The following OLFM1 variants were observed in gnomAD, a reference collection of about 807,000 sequenced individuals.
OLFM1 encodes olfactomedin 1.
Under a neutral mutation model 49.7 loss-of-function variants are expected in OLFM1, and 9 were observed. The ratio of observed to expected loss-of-function variants is 0.18; its 90% CI spans 0.11 to 0.32. The LOEUF (loss-of-function observed/expected upper bound fraction) is 0.32. OLFM1 is among the 10% of genes least tolerant of loss of function. The pLI is 1.00. For synonymous variants in OLFM1, 240 were observed against 271.8 expected, an observed-to-expected ratio of 0.88 and a Z score of 1.15; for missense variants, 369 against 661.8, an observed-to-expected ratio of 0.56 and a Z score of 4.85.
chr9:135,092,282 C>A (rs200068699), intron 2 of OLFM1, among the ~76,000 whole-genome samples: 1 of 152,130 alleles, frequency 6.6e-6, no homozygotes, highest in African/African-American at 2.4e-5. Flanking sequence ...TTGAAAGGTC[C>A]GAGTCACTGC....
At chr9:135,096,738 G>A (rs1030607206) in intron 3 of OLFM1, among the ~76,000 whole-genome samples, 1 of 152,206 alleles carries the variant, frequency 6.6e-6, no homozygotes, top group Non-Finnish European at 1.5e-5. Context: ...GGGCCATTCT[G>A]GAGCAGGAAT....
intron 3 of OLFM1, chr9:135,097,796 GT>G: frequency 6.2e-7 from 1 of 1,613,688 alleles, no homozygotes; most frequent in Non-Finnish European, 8.5e-7. Context: ...ACTTAAAAGA[GT>G]TTTTTCAATG....
At chr9:135,090,076 T>C in intron 1 of OLFM1, 119 bp from the exon 2 acceptor site, 1 of 940,144 alleles carries the variant, frequency 1.1e-6, no homozygotes, top group Non-Finnish European at 1.6e-6. Flanking sequence ...GACCATTTCC[T>C]CCCATCTTTT....
In OLFM1 at chr9:135,090,357, AGAGT is replaced by A; in HGVS notation, c.300+15_300+18del. 6.3e-7 allele frequency: 1 copy of A among 1,599,802 alleles called. No homozygotes were observed. The highest frequency in any genetic ancestry group is 2.2e-5 in the East Asian group (1 of 44,480). On this transcript the variant is annotated intron_variant, in intron 2 of 5. Coordinates refer to ENST00000371793, the MANE Select transcript of OLFM1 (RefSeq NM_001282611.2). ...GCTACTGGAGAAGGTGAGTCTGCGC[AGAGT>A]GTGTGAGTTTGTATGTGTGTGTGTT...
intron 5 of OLFM1, among the ~76,000 whole-genome samples, chr9:135,118,226 T>C (rs1224812813): frequency 6.6e-6 from 1 of 151,942 alleles, no homozygotes; most frequent in Non-Finnish European, 1.5e-5. Context: ...AAGTGCTCAC[T>C]GGGTCTTTGG....
chr9:135,089,981 T>A (rs1483746578), intron 1 of OLFM1, among the ~76,000 whole-genome samples: 1 of 152,208 alleles, frequency 6.6e-6, no homozygotes, highest in East Asian at 1.9e-4. Context: ...TTTGACATCC[T>A]TCCAGCCCTG....
intron 4 of OLFM1, among the ~76,000 whole-genome samples, chr9:135,101,624 G>A (rs1471501331): frequency 1.3e-5 from 2 of 152,222 alleles, no homozygotes; most frequent in Admixed American, 1.3e-4. Flanking sequence ...CGGTTCCCCT[G>A]GAGCAAGTCT....
intron 5 of OLFM1, among the ~76,000 whole-genome samples, chr9:135,114,990 G>A (rs900204331): frequency 1.3e-5 from 2 of 152,174 alleles, no homozygotes; most frequent in African/African-American, 4.8e-5. Flanking sequence ...TCTATGGCAG[G>A]AAGGATGAGG....
chr9:135,095,387 A>G (rs542172), intron 2 of OLFM1, among the ~76,000 whole-genome samples: 130,010 of 151,992 alleles, frequency 0.86, 56,046 homozygotes, highest in Non-Finnish European at 0.9. Context: ...AGATTTAGGA[A>G]GAAGGAGAAT....
Position 135,080,881 on chromosome 9 carries a change from C to T in OLFM1, c.96+5079C>T, listed in dbSNP as rs117264419. Among the ~76,000 whole-genome samples, 2,500 of 151,890 alleles carry T rather than the reference C, an allele frequency of 0.016. 36 individuals carry two copies. Among genetic ancestry groups the T allele is most frequent in the Middle Eastern group, 0.038 (11 of 292 alleles). On this transcript the variant is annotated intron_variant, in intron 1 of 5. Coordinates refer to the OLFM1 transcript ENST00000252854. This position sits in a 1 kb window ranked among gnomAD's most constrained non-coding sequence, Gnocchi z 4.5. ...GTCCCGACTGGCACCGCAGGGCGAC[C>T]GAAGGGAGGGGAAGAGAGAACAGGA...
intron 5 of OLFM1, 42 bp from the exon 6 acceptor site, chr9:135,119,462 G>A (rs1349173746): frequency 1.3e-6 from 2 of 1,527,380 alleles, no homozygotes; most frequent in East Asian, 2.3e-5. Context: ...GTACTCACTG[G>A]GTCTTTGGAA....
upstream of OLFM1, among the ~76,000 whole-genome samples, chr9:135,083,540 G>A (rs1830558469): frequency 1.3e-5 from 2 of 152,204 alleles, no homozygotes; most frequent in African/African-American, 2.4e-5. Flanking sequence ...CCCAGGGCAA[G>A]TAGCTCCCCA....
chr9:135,090,695 G>T (rs1564270004), intron 2 of OLFM1, among the ~76,000 whole-genome samples: 1 of 152,116 alleles, frequency 6.6e-6, no homozygotes, highest in East Asian at 1.9e-4. Context: ...CGGGACACAA[G>T]GCTCGTCTCT....
At chr9:135,076,159 G>C in intron 1 of OLFM1, 1 of 1,550,204 alleles carries the variant, frequency 6.5e-7, no homozygotes, top group Non-Finnish European at 8.7e-7. Context: ...GAGCCGGATA[G>C]CCAAGACCCC....
chr9:135,077,048 G>A, intron 1 of OLFM1: 1 of 1,516,318 alleles, frequency 6.6e-7, no homozygotes, highest in African/African-American at 1.6e-5. Flanking sequence ...CCCTCCTGGA[G>A]AGGTTCTGCA....
intron 2 of OLFM1, among the ~76,000 whole-genome samples, chr9:135,093,908 C>A (rs966933001): frequency 6.6e-6 from 1 of 152,198 alleles, no homozygotes; most frequent in Non-Finnish European, 1.5e-5. Flanking sequence ...GGTTTTAAGG[C>A]AGCTGAATAG....
chr9:135,087,639 G>C (rs1232525281), upstream of OLFM1: 1 of 583,782 alleles, frequency 1.7e-6, no homozygotes, highest in East Asian at 3.9e-5. Context: ...TCCCGGCCGC[G>C]GCCCCCGCGC....
At chr9:135,087,522 G>C (rs938619485), upstream of OLFM1, 77 of 1,343,716 alleles carry the variant, frequency 5.7e-5, no homozygotes, top group Non-Finnish European at 7.4e-5. Flanking sequence ...ACTGGAGTTT[G>C]CAGACCTCGC....
chr9:135,110,550 C>T (rs558390870), intron 5 of OLFM1, among the ~76,000 whole-genome samples: 107 of 152,230 alleles, frequency 7.0e-4, no homozygotes, highest in Middle Eastern at 6.8e-3. Context: ...TCTTTTTTTC[C>T]AGAAGGTGGA....
Sources: gnomAD v4.1 joint callset for allele counts (sites outside exome capture counted in the v4.1 genomes callset) on GRCh38, gnomAD v4.1.1 for gene constraint, Gnocchi (gnomAD v3.1) non-coding constraint, MANE v1.5 for transcripts, NCBI Gene and HGNC (gene_info 2026-07-23, HGNC 2026-07-21) for gene names.